The following SNX18 variants were observed in gnomAD, a reference collection of about 807,000 sequenced individuals.
The protein encoded by SNX18 is sorting nexin-18.
A neutral mutation model predicts 48.7 loss-of-function variants in SNX18; 35 were observed. The ratio of observed to expected loss-of-function variants is 0.72; its 90% CI spans 0.55 to 0.95. The LOEUF (loss-of-function observed/expected upper bound fraction) is 0.95. SNX18 is among the 40% of genes least tolerant of loss of function. The pLI is 0.00. For missense variants in SNX18, 824 were observed against 871.0 expected (o/e 0.95, Z 0.68); for synonymous variants, 492 against 384.7 (o/e 1.28, Z -3.26).
chr5:54,613,709 T>C, the SNX18 span, among the ~76,000 whole-genome samples: 40 of 152,308 alleles, frequency 2.6e-4, no homozygotes, highest in South Asian at 8.3e-3. Context: ...TTGTTGTTTG[T>C]TTTTTTGAGA....
At chr5:54,583,128 A>T in the SNX18 span, among the ~76,000 whole-genome samples, 6 of 152,136 alleles carry the variant, frequency 3.9e-5, no homozygotes, top group East Asian at 1.2e-3. Flanking sequence ...GAAAGCAAGG[A>T]TCCTACTAGA....
chr5:54,634,256 TAG>T, the SNX18 span, among the ~76,000 whole-genome samples: 5 of 152,236 alleles, frequency 3.3e-5, no homozygotes, highest in East Asian at 1.9e-4. Context: ...CTGCTGGGTG[TAG>T]AGAGTGGGGT....
chr5:54,631,653 CA>C, the SNX18 span, among the ~76,000 whole-genome samples: 4,066 of 152,238 alleles, frequency 0.027, 174 homozygotes, highest in African/African-American at 0.091. Context: ...GGGAAGATAT[CA>C]TCATATATGA....
intron 1 of SNX18, among the ~76,000 whole-genome samples, chr5:54,542,869 T>G (rs1397622902): frequency 6.6e-6 from 1 of 152,234 alleles, no homozygotes; most frequent in Non-Finnish European, 1.5e-5. Flanking sequence ...TAAGGACATT[T>G]CCTTGCAGTT....
At position 54,544,762 on chromosome 5, in the gene SNX18, AAG is replaced by A. The variant is rs1275765424; in HGVS notation, c.*1334_*1335del. On this transcript the variant is annotated 3_prime_UTR_variant, in exon 2 of 2. Transcript: ENST00000381410. ...AAAGCAGCTTAATTTAAAAAGCACA[AAG>A]AGATTCTGGCTTACAGTGCCCCAAT... The A allele has an allele frequency of 6.6e-6, 1 of 152,086 alleles. No homozygotes were observed. The highest frequency in any genetic ancestry group is 1.5e-5 in the Non-Finnish European group (1 of 68,010). The allele number at this position is 152,086 out of a possible 1,614,324, so 9.4% of individuals were successfully genotyped here.
chr5:54,521,783 G>C (rs1489610099), intron 1 of SNX18, among the ~76,000 whole-genome samples: 1 of 152,104 alleles, frequency 6.6e-6, no homozygotes, highest in Non-Finnish European at 1.5e-5. Flanking sequence ...GCCCAGGCTT[G>C]TCTCTAACTC....
chr5:54,560,159 A>G, the SNX18 span, among the ~76,000 whole-genome samples: 1 of 152,356 alleles, frequency 6.6e-6, no homozygotes, highest in East Asian at 1.9e-4. Flanking sequence ...TCATTCTATC[A>G]TAAAGATACA....
At chr5:54,585,998 C>A in the SNX18 span, among the ~76,000 whole-genome samples, 2 of 148,206 alleles carry the variant, frequency 1.3e-5, no homozygotes, top group Non-Finnish European at 3.0e-5. Flanking sequence ...GAGCGAGACT[C>A]CGTCTCAAAA....
chr5:54,519,613 T>C (rs1294146543), intron 1 of SNX18, 40 bp downstream of exon 1: 2 of 1,614,182 alleles, frequency 1.2e-6, no homozygotes, highest in East Asian at 4.5e-5. Flanking sequence ...TGGAGTGTAT[T>C]GTGCAGGCTG....
At chr5:54,526,637 T>C (rs1762136189) in intron 1 of SNX18, among the ~76,000 whole-genome samples, 1 of 152,144 alleles carries the variant, frequency 6.6e-6, no homozygotes, top group Non-Finnish European at 1.5e-5. Flanking sequence ...ATTCAACAAA[T>C]ACGTATGTAC....
At chr5:54,603,457 A>G in the SNX18 span, among the ~76,000 whole-genome samples, 1 of 152,196 alleles carries the variant, frequency 6.6e-6, no homozygotes, top group East Asian at 1.9e-4. Context: ...AAGGCTTGAG[A>G]GATTTGAACT....
the SNX18 span, among the ~76,000 whole-genome samples, chr5:54,611,395 A>G: frequency 6.6e-6 from 1 of 151,942 alleles, no homozygotes; most frequent in African/African-American, 2.4e-5. Flanking sequence ...TTGACTCTAC[A>G]GTCAAAAAAA....
the SNX18 span, among the ~76,000 whole-genome samples, chr5:54,627,376 G>A: frequency 6.6e-6 from 1 of 152,130 alleles, no homozygotes. Flanking sequence ...CCCTTTCCTG[G>A]GGATATGTTT....
chr5:54,636,153 C>T, the SNX18 span, among the ~76,000 whole-genome samples: 2 of 152,196 alleles, frequency 1.3e-5, no homozygotes, highest in Non-Finnish European at 2.9e-5. Context: ...TAGACTCTAG[C>T]CTTCCTAAGC....
At chr5:54,622,145 A>G in the SNX18 span, among the ~76,000 whole-genome samples, 4 of 152,240 alleles carry the variant, frequency 2.6e-5, no homozygotes, top group Admixed American at 6.5e-5. Context: ...TGCTATTTAC[A>G]TAGTAGGAGG....
chr5:54,547,699 A>G (rs754021892), downstream of SNX18, among the ~76,000 whole-genome samples: 6 of 152,210 alleles, frequency 3.9e-5, no homozygotes, highest in Non-Finnish European at 8.8e-5. Flanking sequence ...CAGTATTGTT[A>G]TGAAGAGTGA....
At chr5:54,584,465 C>T in the SNX18 span, among the ~76,000 whole-genome samples, 1 of 152,208 alleles carries the variant, frequency 6.6e-6, no homozygotes, top group East Asian at 1.9e-4. Flanking sequence ...ATGGGGAGGA[C>T]ACTTCAGCTA....
intron 1 of SNX18, among the ~76,000 whole-genome samples, chr5:54,529,280 T>C (rs1037032360): frequency 3.3e-5 from 5 of 151,518 alleles, no homozygotes; most frequent in Non-Finnish European, 7.4e-5. Context: ...CAGATTAGAG[T>C]CTCTGGGTCA....
At chr5:54,568,148 C>T in the SNX18 span, among the ~76,000 whole-genome samples, 1 of 152,184 alleles carries the variant, frequency 6.6e-6, no homozygotes, top group Non-Finnish European at 1.5e-5. Context: ...CCCACTTTCC[C>T]TTGGTTTCTA....
Sources: allele counts gnomAD v4.1 joint callset (sites outside exome capture counted in the v4.1 genomes callset), GRCh38; gene constraint gnomAD v4.1.1; transcripts MANE v1.5; gene names NCBI Gene and HGNC (gene_info 2026-07-23, HGNC 2026-07-21).